The following FNDC7 variants were observed in gnomAD, a reference collection of about 807,000 sequenced individuals.
FNDC7 encodes the protein fibronectin type III domain-containing protein 7.
In FNDC7, 66 loss-of-function variants were observed where a neutral mutation model predicts 74.2. The observed-to-expected ratio is 0.89, with a 90% confidence interval of 0.73 to 1.09. FNDC7 has a LOEUF of 1.09. Ranked by LOEUF, FNDC7 falls within the 50% of genes least tolerant of loss-of-function variation. FNDC7 has a pLI of 0.00. For missense variants in FNDC7, 829 were observed against 893.4 expected (o/e 0.93, Z 0.92); for synonymous variants, 307 against 330.2 (o/e 0.93, Z 0.76).
At chr1:108,737,638 C>G (rs540737515) in intron 11 of FNDC7, 114 bp downstream of exon 11, 6 of 759,064 alleles carry the variant, frequency 7.9e-6, no homozygotes, top group East Asian at 2.8e-5. Context: ...TTCTTTGATA[C>G]AAGGGGCTCC....
Position 108,728,455 on chromosome 1 carries a change from A to G in FNDC7, c.1370-177A>G, listed in dbSNP as rs1661268138. ...GCTAGTCCAGTACTCTATGAACCCA[A>G]TGCCCTGTGTTAATGTCAACAGTTC... On this transcript the variant is annotated intron_variant, in intron 7 of 12. Coordinates refer to ENST00000370017, the MANE Select transcript of FNDC7 (RefSeq NM_001144937.3). Among the ~76,000 whole-genome samples the G allele has an allele frequency of 2.0e-5, 3 of 152,182 alleles. No homozygotes were observed. In the South Asian group the frequency reaches 6.2e-4, roughly 32 times the overall value.
chr1:108,717,840 G>A lies in FNDC7; in HGVS notation c.146G>A (p.Trp49Ter), dbSNP rs1195031128. 1 of 1,551,636 alleles carries A rather than the reference G, an allele frequency of 6.4e-7. No individual in the cohort carries two copies. The highest frequency in any genetic ancestry group is 1.2e-5 in the South Asian group (1 of 84,062). The change falls in exon 3 of 13, where the codon TGG becomes TAG. Residue 49 changes from tryptophan (W) to a stop codon, truncating the protein, a stop_gained. Coordinates refer to ENST00000370017, the MANE Select transcript of FNDC7 (RefSeq NM_001144937.3). LOFTEE classifies it high-confidence loss of function. ...CTCAGCAACAGTATCACTGTAGAAT[G>A]GGCTACAGTGCCGGGTGCCACCAGT... ...SKLSNSITVE[W>*]ATVPGATSYL...
rs1441759847 is a variant in FNDC7, at chr1:108,713,530, G to T, written c.82+1G>T. 6.5e-7 allele frequency: 1 copy of T among 1,545,960 alleles called. No homozygotes were observed. The highest frequency in any genetic ancestry group is 8.7e-7 in the Non-Finnish European group (1 of 1,145,634). The stretch of plus-strand genomic sequence containing the variant: ...TTTCAGGTTGCTTCAGCAAAATCAG[G>T]TACAATTTTCTGACCTGCAAGTTTT... On this transcript the variant is annotated splice_donor_variant, in intron 2 of 12. Coordinates refer to ENST00000370017, the MANE Select transcript of FNDC7 (RefSeq NM_001144937.3). LOFTEE classifies it high-confidence loss of function.
chr1:108,715,007 T>C (rs1289331025), intron 2 of FNDC7, among the ~76,000 whole-genome samples: 1 of 152,164 alleles, frequency 6.6e-6, no homozygotes, highest in Non-Finnish European at 1.5e-5. Context: ...TTTTGGTGTT[T>C]ATAGCATCTG....
At chr1:108,719,147 C>G in intron 4 of FNDC7, 98 bp downstream of exon 4, 1 of 1,338,774 alleles carries the variant, frequency 7.5e-7, no homozygotes, top group Non-Finnish European at 1.0e-6. Flanking sequence ...ATGACAAGTA[C>G]AGAGCAGCTG....
At chr1:108,731,319 T>C (rs1211437283) in intron 9 of FNDC7, among the ~76,000 whole-genome samples, 1 of 152,268 alleles carries the variant, frequency 6.6e-6, no homozygotes, top group Admixed American at 6.5e-5. Context: ...TTTTCTAAGC[T>C]TCTTCAGCTG....
intron 4 of FNDC7, among the ~76,000 whole-genome samples, chr1:108,720,834 C>G (rs1054843696): frequency 6.6e-6 from 1 of 152,218 alleles, no homozygotes; most frequent in Non-Finnish European, 1.5e-5. Context: ...TACCTGATTA[C>G]ATCTGCTATG....
At position 108,733,341 on chromosome 1, in the gene FNDC7, CCT is replaced by C; in HGVS notation, c.1951_1952del (p.Ser651GlnfsTer9). 6.2e-7 allele frequency: 1 copy of C among 1,614,128 alleles called. No homozygotes were observed. The highest frequency in any genetic ancestry group is 8.5e-7 in the Non-Finnish European group (1 of 1,180,016). ...AATGGCATCCGGATCTACTGGCAAG[CCT>C]CCAGGGGCTCTGCCAATTACAGCAC... On this transcript the variant is annotated frameshift_variant, in exon 10 of 13. Coordinates refer to ENST00000370017, the MANE Select transcript of FNDC7 (RefSeq NM_001144937.3). LOFTEE classifies it high-confidence loss of function.
intron 8 of FNDC7, 126 bp downstream of exon 8, chr1:108,729,012 CAA>C (rs1211393361): frequency 8.3e-7 from 1 of 1,205,202 alleles, no homozygotes; most frequent in South Asian, 1.5e-5. Flanking sequence ...AGAGACGTTT[CAA>C]AGAGTCCCGG....
At chr1:108,738,257 G>GCTGAAAGGGCAGTTGGAATAAAGAGAACC (rs1661561503) in intron 11 of FNDC7, among the ~76,000 whole-genome samples, 2 of 152,194 alleles carry the variant, frequency 1.3e-5, no homozygotes, top group Non-Finnish European at 2.9e-5. Flanking sequence ...GAGAGAGGGT[G>GCTGAAAGGGCAGTTGGAATAAAGAGAACC]CTGAAAGGGC....
In FNDC7 at chr1:108,728,616, C is replaced by T. The variant is rs545983731; in HGVS notation, c.1370-16C>T. Reference sequence around the variant, plus strand: ...TTGACTCATGCTGGTTCAATTAATACTCTAAAATGTCTTAGCTCCTTGCAG... The same window carrying T: ...TTGACTCATGCTGGTTCAATTAATATTCTAAAATGTCTTAGCTCCTTGCAG... On this transcript the variant is annotated splice_polypyrimidine_tract_variant and intron_variant, in intron 7 of 12. Transcript: ENST00000370017. 6.2e-7 allele frequency: 1 copy of T among 1,613,468 alleles called. No homozygotes were observed. The highest frequency in any genetic ancestry group is 1.1e-5 in the South Asian group (1 of 91,064).
rs570528190 is a variant in FNDC7 at position 108,738,068 on chromosome 1, G to C, written c.2170+544G>C. 5.9e-5 allele frequency among the ~76,000 whole-genome samples: 9 copies of C among 152,322 alleles called. No individual in the cohort carries two copies. The South Asian group carries it at 1.9e-3, about 32-fold the overall frequency. ...CTCGTTAAAGCCAGATTCTGATTTGGTCGGTGTAGGAAGTGTCTGAGACTC... is the reference window on the plus strand; with the variant it reads ...CTCGTTAAAGCCAGATTCTGATTTGCTCGGTGTAGGAAGTGTCTGAGACTC... On this transcript the variant is annotated intron_variant, in intron 11 of 12. Transcript: ENST00000370017.
At position 108,718,819 on chromosome 1, in the gene FNDC7, C is replaced by A; in HGVS notation, c.368C>A (p.Ser123Tyr). 1 of 1,551,880 alleles carries A rather than the reference C, an allele frequency of 6.4e-7. No homozygotes were observed. The highest frequency in any genetic ancestry group is 8.7e-7 in the Non-Finnish European group (1 of 1,147,046). ...VLAAPILEVS[S>Y]PSSDSILVQW... ...GCTGCACCAATTCTAGAAGTAAGCT[C>A]TCCAAGTTCAGACTCCATTCTTGTG... Residue 123 changes from serine to tyrosine, a missense_variant, in exon 4 of 13, where the codon TCT becomes TAT. Physicochemically the swap from Ser to Tyr is moderately radical, Grantham distance 144. Transcript: ENST00000370017.
At position 108,728,730 on chromosome 1, in the gene FNDC7, A is replaced by G. The variant is rs1661273687; in HGVS notation, c.1468A>G (p.Thr490Ala). The change falls in exon 8 of 13, where the codon ACT (threonine) becomes GCT (alanine). Residue 490 changes from threonine to alanine, a missense_variant. Transcript: ENST00000370017. The stretch of plus-strand genomic sequence containing the variant: ...TAATGATGATGCTACTTACACGGTG[A>G]CTGCCCAAGGGGAGAAAGGACTGTA... Reference protein sequence around the residue: ...STNDDATYTVTAQGEKGLYQC... With the variant: ...STNDDATYTVAAQGEKGLYQC... 1 of 1,614,282 alleles carries G rather than the reference A, an allele frequency of 6.2e-7. No homozygotes were observed. The highest frequency in any genetic ancestry group is 1.3e-5 in the African/African-American group (1 of 75,080).
intron 4 of FNDC7, among the ~76,000 whole-genome samples, chr1:108,722,128 G>T (rs1280853188): frequency 1.3e-5 from 2 of 152,136 alleles, no homozygotes; most frequent in Non-Finnish European, 2.9e-5. Flanking sequence ...ATGGGGTCAA[G>T]GTCACACAGT....
intron 9 of FNDC7, among the ~76,000 whole-genome samples, chr1:108,732,341 C>CCAA (rs1661406020): frequency 9.7e-6 from 1 of 103,230 alleles, no homozygotes; most frequent in Non-Finnish European, 1.8e-5. Flanking sequence ...GACTCCGTCT[C>CCAA]AAAAAAAAAA....
chr1:108,736,361 CCT>C (rs1013089786), intron 10 of FNDC7, among the ~76,000 whole-genome samples: 3 of 151,840 alleles, frequency 2.0e-5, no homozygotes, highest in Admixed American at 6.6e-5. Flanking sequence ...CAGAGTTAGC[CCT>C]CTCTCTCTCC....
intron 2 of FNDC7, among the ~76,000 whole-genome samples, chr1:108,715,669 GCGCACA>G (rs1227754938): frequency 1.5e-5 from 2 of 135,852 alleles, no homozygotes; most frequent in Non-Finnish European, 3.3e-5. Flanking sequence ...GCGTGCGCGC[GCGCACA>G]CACACACACA....
intron 2 of FNDC7, 96 bp downstream of exon 2, chr1:108,713,625 A>AG (rs1453735405): frequency 3.5e-5 from 39 of 1,127,914 alleles, no homozygotes; most frequent in Non-Finnish European, 3.8e-5. Context: ...AGGCTATATG[A>AG]GAAAAAAAAA....
Sources: allele counts gnomAD v4.1 joint callset (sites outside exome capture counted in the v4.1 genomes callset), GRCh38; gene constraint gnomAD v4.1.1; transcripts MANE v1.5; gene names NCBI Gene and HGNC (gene_info 2026-07-23, HGNC 2026-07-21).